MILR1: variants seen among roughly 807,000 people sequenced by gnomAD.
MILR1 encodes the protein allergin-1.
Under a neutral mutation model 18.5 loss-of-function variants are expected in MILR1, and 31 were observed. The ratio of observed to expected loss-of-function variants is 1.68; its 90% CI spans 1.26 to 2.26. The LOEUF (loss-of-function observed/expected upper bound fraction) is 2.26, where lower values mean the gene tolerates loss of function less well. Ranked by LOEUF, MILR1 falls within the 30% of genes most tolerant of loss-of-function variation. The probability of loss-of-function intolerance (pLI) is 0.00; values close to 1 mark genes in which losing one functional copy is unlikely to be tolerated. For missense variants in MILR1, 257 were observed against 157.4 expected, an observed-to-expected ratio of 1.63 and a Z score of -3.38; for synonymous variants, 85 against 56.2, an observed-to-expected ratio of 1.51 and a Z score of -2.30.
intron 4 of MILR1, among the ~76,000 whole-genome samples, chr17:64,459,290 C>T (rs1344369703): frequency 2.0e-5 from 3 of 151,854 alleles, no homozygotes; most frequent in Non-Finnish European, 4.4e-5. Context: ...AAAAATTAGC[C>T]GGGTGTGGTG....
At chr17:64,494,837 C>G in the MILR1 span, among the ~76,000 whole-genome samples, 1 of 152,140 alleles carries the variant, frequency 6.6e-6, no homozygotes, top group East Asian at 1.9e-4. Context: ...TAACCCCAGA[C>G]CCGGAATCAG....
At chr17:64,478,724 C>T in the MILR1 span, among the ~76,000 whole-genome samples, 10 of 151,640 alleles carry the variant, frequency 6.6e-5, no homozygotes, top group Non-Finnish European at 1.5e-4. Context: ...AGTGAAACCC[C>T]ATCTCTACCA....
chr17:64,465,490 G>A lies in MILR1; in HGVS notation c.802G>A (p.Asp268Asn), dbSNP rs2037533350. ...AAATAATGTGCCCAGGGACCGTGGA[G>A]ACACAGCCATGGAAGTTGGAATCTA... ...MRNNVPRDRG[D>N]TAMEVGIYAN... Residue 268 changes from aspartate (D) to asparagine (N), a missense_variant, in exon 6 of 10, where the codon GAC becomes AAC. Transcript: ENST00000619286. 1.2e-6 allele frequency: 2 copies of A among 1,610,950 alleles called. No homozygotes were observed. The highest frequency in any genetic ancestry group is 1.7e-6 in the Non-Finnish European group (2 of 1,178,776).
chr17:64,468,588 C>T lies in MILR1; in HGVS notation c.*307C>T, dbSNP rs78354642. 7.8e-6 allele frequency: 9 copies of T among 1,148,928 alleles called. No homozygotes were observed. In the African/African-American group the frequency reaches 1.2e-4, roughly 15 times the overall value. The allele number at this position is 1,148,928 out of a possible 1,614,324, so 71.2% of individuals were successfully genotyped here. A position where few individuals can be genotyped will look rare whatever the true frequency, so the allele number is the denominator to read the frequency against. On this transcript the variant is annotated 3_prime_UTR_variant, in exon 10 of 10. Coordinates refer to ENST00000619286, the MANE Select transcript of MILR1 (RefSeq NM_001085423.2). Reference sequence around the variant, plus strand: ...ACAAGCCTGAGCCACCGTGCCCGGCCCTGAATCGCTTTAGTAAATAAAGGG... The same window carrying T: ...ACAAGCCTGAGCCACCGTGCCCGGCTCTGAATCGCTTTAGTAAATAAAGGG...
At chr17:64,464,983 G>C (rs1160091435) in intron 5 of MILR1, among the ~76,000 whole-genome samples, 1 of 152,144 alleles carries the variant, frequency 6.6e-6, no homozygotes, top group Admixed American at 6.6e-5. Flanking sequence ...AGCTACTCGG[G>C]AGGCTGAGGC....
chr17:64,488,559 C>A, the MILR1 span, among the ~76,000 whole-genome samples: 1 of 151,996 alleles, frequency 6.6e-6, no homozygotes, highest in African/African-American at 2.4e-5. Context: ...AAAAAAAGAA[C>A]AAAATAAGAC....
the MILR1 span, among the ~76,000 whole-genome samples, chr17:64,473,741 AAAAGCAATTG>A: frequency 6.6e-6 from 1 of 152,244 alleles, no homozygotes; most frequent in Non-Finnish European, 1.5e-5. Context: ...AAAAATTATT[AAAAGCAATTG>A]GGTTGGAAGG....
chr17:64,449,468 C>G, intron 2 of MILR1, 113 bp downstream of exon 2: 1 of 411,852 alleles, frequency 2.4e-6, no homozygotes, highest in East Asian at 3.6e-5. Context: ...TATGAACAAC[C>G]AAAGAACAGT....
chr17:64,496,627 C>T, the MILR1 span: 2 of 1,613,926 alleles, frequency 1.2e-6, no homozygotes, highest in East Asian at 2.2e-5. Flanking sequence ...CCGAGGTCCA[C>T]CATTCTGCGG....
the MILR1 span, chr17:64,483,020 AG>A: frequency 7.7e-7 from 1 of 1,304,950 alleles, no homozygotes; most frequent in Non-Finnish European, 1.1e-6. Context: ...TAAATGGGGG[AG>A]GGAGAAGACA....
intron 2 of MILR1, among the ~76,000 whole-genome samples, chr17:64,451,220 C>T (rs1015869464): frequency 0.046 from 7,047 of 151,874 alleles, 576 homozygotes; most frequent in African/African-American, 0.16. Flanking sequence ...CTTAGCTTTC[C>T]GCAGCCTCGA....
At chr17:64,471,774 A>G (rs2037690147), downstream of MILR1, among the ~76,000 whole-genome samples, 2 of 152,226 alleles carry the variant, frequency 1.3e-5, no homozygotes, top group East Asian at 3.8e-4. Flanking sequence ...CAACTTGGCG[A>G]AACCCTGTCT....
At chr17:64,449,801 C>T in intron 2 of MILR1, among the ~76,000 whole-genome samples, 1 of 152,078 alleles carries the variant, frequency 6.6e-6, no homozygotes, top group East Asian at 1.9e-4. Context: ...AAAAAACCCA[C>T]AGAATTATTG....
chr17:64,482,039 C>T, the MILR1 span, among the ~76,000 whole-genome samples: 1 of 151,188 alleles, frequency 6.6e-6, no homozygotes, highest in African/African-American at 2.4e-5. Flanking sequence ...TTCTTTAACA[C>T]ACTTCAAAAT....
chr17:64,483,807 C>T, the MILR1 span, among the ~76,000 whole-genome samples: 16 of 151,880 alleles, frequency 1.1e-4, no homozygotes, highest in South Asian at 3.3e-3. Flanking sequence ...CACCTCTGGG[C>T]TCAAGCCATC....
At chr17:64,464,632 G>A (rs1183724886) in intron 5 of MILR1, among the ~76,000 whole-genome samples, 2 of 152,152 alleles carry the variant, frequency 1.3e-5, no homozygotes, top group East Asian at 1.9e-4. Context: ...ATTACTGGCT[G>A]GAGCTACAAT....
the MILR1 span, among the ~76,000 whole-genome samples, chr17:64,486,655 C>T: frequency 1.3e-5 from 2 of 152,206 alleles, no homozygotes; most frequent in South Asian, 2.1e-4. Flanking sequence ...TGAGCCACTG[C>T]GCCCTACCTC....
At chr17:64,479,771 A>G in the MILR1 span, among the ~76,000 whole-genome samples, 1 of 152,222 alleles carries the variant, frequency 6.6e-6, no homozygotes, top group African/African-American at 2.4e-5. Context: ...GCAAGCTGAC[A>G]GCATTTGATG....
the MILR1 span, among the ~76,000 whole-genome samples, chr17:64,494,746 T>G: frequency 6.6e-6 from 1 of 151,282 alleles, no homozygotes; most frequent in Non-Finnish European, 1.5e-5. Context: ...TCTGTGACCT[T>G]TTTATATGAC....
Sources: gnomAD v4.1 joint callset for allele counts (sites outside exome capture counted in the v4.1 genomes callset) on GRCh38, gnomAD v4.1.1 for gene constraint, MANE v1.5 for transcripts, NCBI Gene and HGNC (gene_info 2026-07-23, HGNC 2026-07-21) for gene names.